Variants in MGMT observed in about 807,000 individuals in gnomAD.
MGMT encodes the protein methylated-DNA--protein-cysteine methyltransferase.
In MGMT, 14 loss-of-function variants were observed where a neutral mutation model predicts 15.9. That is an observed-to-expected ratio of 0.88 (90% CI 0.58 to 1.37). MGMT has a LOEUF of 1.37. Among genes scored for constraint, MGMT ranks in the 40% most tolerant of loss-of-function variants. The pLI is 0.00. For synonymous variants in MGMT, 130 were observed against 118.2 expected (o/e 1.10, Z -0.65); for missense variants, 282 against 268.1 (o/e 1.05, Z -0.36).
chr10:129,672,519 G>GT (rs1847736403), intron 2 of MGMT, among the ~76,000 whole-genome samples: 1 of 151,906 alleles, frequency 6.6e-6, no homozygotes, highest in African/African-American at 2.4e-5. Flanking sequence ...CTTGTTCTCC[G>GT]TTATTTCCCA....
intron 2 of MGMT, among the ~76,000 whole-genome samples, chr10:129,609,405 T>C (rs1846932891): frequency 6.6e-6 from 1 of 151,716 alleles, no homozygotes; most frequent in Non-Finnish European, 1.5e-5. Context: ...TCTGGCCCCA[T>C]CTGGAGCCCC....
At chr10:129,650,674 C>T (rs574379633) in intron 2 of MGMT, among the ~76,000 whole-genome samples, 4 of 152,296 alleles carry the variant, frequency 2.6e-5, no homozygotes, top group Admixed American at 2.6e-4. Context: ...AGGGATCCTG[C>T]TCGAGGAGCA....
At chr10:129,582,014 G>A (rs1451919840) in intron 2 of MGMT, among the ~76,000 whole-genome samples, 1 of 152,232 alleles carries the variant, frequency 6.6e-6, no homozygotes, top group African/African-American at 2.4e-5. Context: ...TGCGAGCCAC[G>A]TGGGCCAGCC....
At chr10:129,696,466 C>CT (rs35926028) in intron 2 of MGMT, among the ~76,000 whole-genome samples, 29,579 of 152,150 alleles carry the variant, frequency 0.19, 3,073 homozygotes, top group East Asian at 0.31. Context: ...CTTTCACAAA[C>CT]TTTGTTATTC....
chr10:129,576,286 A>T (rs1479923523), intron 2 of MGMT, among the ~76,000 whole-genome samples: 1 of 152,196 alleles, frequency 6.6e-6, no homozygotes, highest in Non-Finnish European at 1.5e-5. Context: ...AAAATCCTCA[A>T]TAAAATACTG....
chr10:129,510,952 A>G (rs1022334317), intron 1 of MGMT, among the ~76,000 whole-genome samples: 1 of 149,866 alleles, frequency 6.7e-6, no homozygotes, highest in African/African-American at 2.5e-5. Flanking sequence ...GGTATACCAG[A>G]TGCAGCCACG....
At chr10:129,707,537 T>G (rs1456296497) in intron 2 of MGMT, among the ~76,000 whole-genome samples, 1 of 152,146 alleles carries the variant, frequency 6.6e-6, no homozygotes, top group Non-Finnish European at 1.5e-5. Flanking sequence ...TGTGGTGCAG[T>G]CTAATGACTG....
At chr10:129,626,492 G>A (rs1271841142) in intron 2 of MGMT, among the ~76,000 whole-genome samples, 1 of 152,172 alleles carries the variant, frequency 6.6e-6, no homozygotes, top group Non-Finnish European at 1.5e-5. Flanking sequence ...CCTGGAGCTG[G>A]CTCCAGCCCG....
chr10:129,505,139 G>T (rs1305057739), intron 1 of MGMT, among the ~76,000 whole-genome samples: 1 of 152,236 alleles, frequency 6.6e-6, no homozygotes, highest in South Asian at 2.1e-4. Context: ...AATTGCTCAG[G>T]AAAAATATAA....
intron 2 of MGMT, among the ~76,000 whole-genome samples, chr10:129,638,097 A>G (rs1178769038): frequency 6.6e-6 from 1 of 152,154 alleles, no homozygotes. Context: ...GAAGGGGAAC[A>G]TATGCTCAGG....
chr10:129,723,248 T>C (rs1211219427), intron 3 of MGMT, among the ~76,000 whole-genome samples: 1 of 152,120 alleles, frequency 6.6e-6, no homozygotes, highest in Non-Finnish European at 1.5e-5. Context: ...GAACGTGATA[T>C]GTAGTCTTTC....
intron 3 of MGMT, among the ~76,000 whole-genome samples, chr10:129,755,762 T>G (rs373229691): frequency 4.2e-4 from 64 of 152,366 alleles, no homozygotes; most frequent in African/African-American, 1.5e-3. Context: ...CCTGGCCGTG[T>G]GCAGTGGACG....
intron 1 of MGMT, among the ~76,000 whole-genome samples, chr10:129,476,791 C>T (rs1040652570): frequency 1.3e-5 from 2 of 152,142 alleles, no homozygotes; most frequent in African/African-American, 2.4e-5. Flanking sequence ...GTGTCCTGCA[C>T]GCCCACACTG....
intron 2 of MGMT, among the ~76,000 whole-genome samples, chr10:129,574,400 T>A (rs1221409537): frequency 6.6e-6 from 1 of 152,256 alleles, no homozygotes; most frequent in Non-Finnish European, 1.5e-5. Context: ...GCTCACATAC[T>A]GTGGCGAAGA....
At chr10:129,673,559 A>G (rs1847750256) in intron 2 of MGMT, among the ~76,000 whole-genome samples, 1 of 152,012 alleles carries the variant, frequency 6.6e-6, no homozygotes, top group Admixed American at 6.5e-5. Flanking sequence ...GCACCACCCC[A>G]TGCCTTGGTC....
intron 2 of MGMT, among the ~76,000 whole-genome samples, chr10:129,666,738 T>G (rs1352893342): frequency 6.6e-6 from 1 of 152,230 alleles, no homozygotes; most frequent in Non-Finnish European, 1.5e-5. Flanking sequence ...TTTCTTTGTC[T>G]TGTCATGCAT....
At chr10:129,481,296 G>A (rs1376311837) in intron 1 of MGMT, among the ~76,000 whole-genome samples, 1 of 152,190 alleles carries the variant, frequency 6.6e-6, no homozygotes, top group Non-Finnish European at 1.5e-5. Flanking sequence ...CCAATTTTGT[G>A]TTCCTGGATA....
intron 2 of MGMT, chr10:129,537,242 T>C (rs1845996078): frequency 6.6e-6 from 1 of 151,828 alleles, no homozygotes; most frequent in African/African-American, 2.4e-5. Flanking sequence ...AGAAAATACA[T>C]AAGAAACATA....
chr10:129,708,303 G>A (rs530763202), intron 3 of MGMT, among the ~76,000 whole-genome samples: 9 of 152,158 alleles, frequency 5.9e-5, no homozygotes, highest in Non-Finnish European at 1.2e-4. Context: ...CTTGACTCTC[G>A]CTGGCTGAAA....
Sources: allele counts gnomAD v4.1 joint callset (sites outside exome capture counted in the v4.1 genomes callset), GRCh38; gene constraint gnomAD v4.1.1; transcripts MANE v1.5; gene names NCBI Gene and HGNC (gene_info 2026-07-23, HGNC 2026-07-21).